FILIP1: variants seen among roughly 807,000 people sequenced by gnomAD.
FILIP1 encodes filamin-A-interacting protein 1.
A neutral mutation model predicts 102.1 loss-of-function variants in FILIP1; 61 were observed. The observed-to-expected ratio is 0.60, with a 90% CI of 0.49 to 0.74. FILIP1 has a LOEUF of 0.74. Ranked by LOEUF, FILIP1 falls within the 30% of genes least tolerant of loss-of-function variation. The pLI, the probability that FILIP1 is intolerant of heterozygous loss-of-function variation, is 0.00. For synonymous variants in FILIP1, 491 were observed against 526.9 expected (o/e 0.93, Z 0.93); for missense variants, 1,314 against 1,441.2 (o/e 0.91, Z 1.43).
In FILIP1 at chr6:75,314,028, C is replaced by G; in HGVS notation, c.1804G>C (p.Gly602Arg). Reference protein sequence around the residue: ...SVDLLKKRLDGIEEVEREITR... With the variant: ...SVDLLKKRLDRIEEVEREITR... ...ATTTCTCTTTCCACTTCCTCTATAC[C>G]ATCAAGTCTCTTCTTTAGTAAGTCA... Residue 602 changes from glycine (G) to arginine (R), a missense_variant, in exon 5 of 6, where the codon GGT (glycine) becomes CGT (arginine). This residue lies in a region of FILIP1 where 816 missense variants were observed against 913.1 expected (regional missense o/e 0.89). Coordinates refer to ENST00000237172, the MANE Select transcript of FILIP1 (RefSeq NM_015687.5). 1 of 1,530,926 alleles carries G rather than the reference C, an allele frequency of 6.5e-7. No individual in the cohort carries two copies. The highest frequency in any genetic ancestry group is 2.3e-5 in the Admixed American group (1 of 43,638). 94.8% of individuals were successfully genotyped at this position (1,530,926 alleles called of 1,614,324 possible).
chr6:75,314,193 GT>G lies in FILIP1; in HGVS notation c.1638del (p.Lys546AsnfsTer2). 1 of 1,551,418 alleles carries G rather than the reference GT, an allele frequency of 6.4e-7. No homozygotes were observed. ...EQGKVMDVTE[K>X]LIEESKKLLK... ...AAAAGTTTCTTACTTTCTTCAATTA[GT>G]TTTTCAGTTACATCCATAACTTTTC... On this transcript the variant is annotated frameshift_variant, in exon 5 of 6. Transcript: ENST00000237172. LOFTEE classifies it high-confidence loss of function.
Position 75,493,561 on chromosome 6 carries a change from C to A in FILIP1, c.-154G>T, listed in dbSNP as rs1780031320. ...AAGAATACAGAGGAAAAAGCTTTTC[C>A]CACTTTCTTTCCCAGGACCAGCCAA... On this transcript the variant is annotated 5_prime_UTR_variant, in exon 1 of 6. Transcript: ENST00000237172. 6.6e-6 allele frequency: 1 copy of A among 152,164 alleles called. No homozygotes were observed. Among genetic ancestry groups the A allele is most frequent in the Non-Finnish European group, 1.5e-5 (1 of 68,046 alleles). The allele number at this position is 152,164 out of a possible 1,614,324, so 9.4% of individuals were successfully genotyped here. A position where few individuals can be genotyped will look rare whatever the true frequency, so the allele number is the denominator to read the frequency against.
downstream of FILIP1, among the ~76,000 whole-genome samples, chr6:75,306,073 A>G (rs1157406685): frequency 6.6e-6 from 1 of 152,166 alleles, no homozygotes; most frequent in African/African-American, 2.4e-5. Flanking sequence ...TCCCCAGTGG[A>G]TTTTATTTCT....
chr6:75,443,414 G>A (rs1301487507), intron 1 of FILIP1, among the ~76,000 whole-genome samples: 1 of 152,066 alleles, frequency 6.6e-6, no homozygotes, highest in Non-Finnish European at 1.5e-5. Context: ...ACATTTTTCT[G>A]AAAAACTTAA....
intron 2 of FILIP1, among the ~76,000 whole-genome samples, chr6:75,366,473 GA>G (rs1310833254): frequency 6.6e-6 from 1 of 152,238 alleles, no homozygotes; most frequent in Non-Finnish European, 1.5e-5. Flanking sequence ...AAGAGACTCA[GA>G]AATAGTTTCC....
At chr6:75,326,024 C>T (rs1035423376) in intron 4 of FILIP1, among the ~76,000 whole-genome samples, 3 of 151,464 alleles carry the variant, frequency 2.0e-5, no homozygotes, top group East Asian at 1.9e-4. Context: ...CATCAACCAA[C>T]GAGTGGATAA....
intron 4 of FILIP1, among the ~76,000 whole-genome samples, chr6:75,347,807 G>A (rs1443475546): frequency 1.3e-5 from 2 of 152,144 alleles, no homozygotes; most frequent in Non-Finnish European, 2.9e-5. Context: ...CTTAAAGGAA[G>A]AATACCAAAA....
rs1417626728 is a variant in FILIP1 at position 75,310,139 on chromosome 6, C to T, written c.3436-1242G>A. Reference sequence around the variant, plus strand: ...GTTAGCAGCACAATGGGACTGCTCACCATTCCCCAAGCACGCCAGGCTCCT... The same window carrying T: ...GTTAGCAGCACAATGGGACTGCTCATCATTCCCCAAGCACGCCAGGCTCCT... On this transcript the variant is annotated intron_variant, in intron 5 of 5. Coordinates refer to ENST00000237172, the MANE Select transcript of FILIP1 (RefSeq NM_015687.5). Among the ~76,000 whole-genome samples, 5 of 152,366 alleles carry T rather than the reference C, an allele frequency of 3.3e-5. No individual in the cohort carries two copies. The East Asian group carries it at 9.6e-4, about 29-fold the overall frequency.
At chr6:75,369,234 T>C (rs1775439638) in intron 2 of FILIP1, among the ~76,000 whole-genome samples, 1 of 152,100 alleles carries the variant, frequency 6.6e-6, no homozygotes, top group African/African-American at 2.4e-5. Context: ...CTGCTGGAAG[T>C]GTTTGCCAGT....
At chr6:75,328,687 C>T (rs980141596) in intron 4 of FILIP1, among the ~76,000 whole-genome samples, 1 of 152,128 alleles carries the variant, frequency 6.6e-6, no homozygotes, top group Non-Finnish European at 1.5e-5. Flanking sequence ...TGGGGTTTCA[C>T]ATGTTTGCCA....
intron 1 of FILIP1, among the ~76,000 whole-genome samples, chr6:75,420,526 T>TCC (rs1366262537): frequency 6.6e-6 from 1 of 152,126 alleles, no homozygotes; most frequent in African/African-American, 2.4e-5. Flanking sequence ...AGCCATGACC[T>TCC]ACTATTCAAG....
intron 1 of FILIP1, among the ~76,000 whole-genome samples, chr6:75,484,491 G>A (rs1244365454): frequency 1.3e-5 from 2 of 151,974 alleles, no homozygotes; most frequent in South Asian, 4.2e-4. Flanking sequence ...AAATGATTGC[G>A]ATAACAGGTT....
intron 4 of FILIP1, among the ~76,000 whole-genome samples, chr6:75,348,731 T>G (rs1192900442): frequency 6.6e-6 from 1 of 152,232 alleles, no homozygotes; most frequent in African/African-American, 2.4e-5. Context: ...CCTTCTGTGA[T>G]AACTACCCCA....
Position 75,313,539 on chromosome 6 carries a change from T to C in FILIP1, c.2293A>G (p.Met765Val), listed in dbSNP as rs1773294033. 6.2e-7 allele frequency: 1 copy of C among 1,614,222 alleles called. No individual in the cohort carries two copies. The highest frequency in any genetic ancestry group is 8.5e-7 in the Non-Finnish European group (1 of 1,180,048). ...GTCAGATTGAGAACCTCCTGCCCCA[T>C]GTTTTTGTTCTTATTTTCTTCTTCC... Reference protein sequence around the residue: ...FMEEENKNKNMGQEVLNLTKE... With the variant: ...FMEEENKNKNVGQEVLNLTKE... Residue 765 changes from methionine to valine, a missense_variant, in exon 5 of 6, where the codon ATG becomes GTG. This residue lies in a region of FILIP1 where 816 missense variants were observed against 913.1 expected (regional missense o/e 0.89). Transcript: ENST00000237172. This position sits in a 1 kb window ranked among gnomAD's most constrained non-coding sequence, Gnocchi z 4.2.
intron 1 of FILIP1, among the ~76,000 whole-genome samples, chr6:75,448,784 A>T (rs1778522438): frequency 2.0e-5 from 3 of 152,166 alleles, no homozygotes; most frequent in Admixed American, 2.0e-4. Flanking sequence ...AATCAAAACC[A>T]CAGTGTGATA....
In FILIP1 at chr6:75,362,904, A is replaced by G. The variant is rs768216232; in HGVS notation, c.290T>C (p.Val97Ala). Residue 97 changes from valine (V) to alanine (A), a missense_variant, in exon 3 of 6, where the codon GTG (valine) becomes GCG (alanine). This residue lies in a region of FILIP1 where 494 missense variants were observed against 511.2 expected (regional missense o/e 0.97). Coordinates refer to ENST00000237172, the MANE Select transcript of FILIP1 (RefSeq NM_015687.5). ...TTTCTCTGTCTTCAGCATGTGGATC[A>G]CATCTTCTCTGGCCTGTAATAGAAA... ...MEGELQARED[V>A]IHMLKTEKTK... is the part of the protein sequence containing the mutation. The G allele has an allele frequency of 8.1e-6, 13 of 1,613,836 alleles. No homozygotes were observed. The African/African-American group carries it at 1.7e-4, about 22-fold the overall frequency.
chr6:75,311,584 C>T (rs1012702998), intron 5 of FILIP1, among the ~76,000 whole-genome samples: 206 of 152,242 alleles, frequency 1.4e-3, no homozygotes, highest in African/African-American at 4.8e-3. Flanking sequence ...ACAACCTCCG[C>T]CTCCTGGGCT....
chr6:75,370,345 C>T (rs1395784818), intron 2 of FILIP1, among the ~76,000 whole-genome samples: 3 of 152,044 alleles, frequency 2.0e-5, no homozygotes, highest in Non-Finnish European at 4.4e-5. Flanking sequence ...GTGTCTATAG[C>T]GCCTAAAAGA....
At chr6:75,360,487 C>T (rs1775140636) in intron 3 of FILIP1, among the ~76,000 whole-genome samples, 1 of 152,040 alleles carries the variant, frequency 6.6e-6, no homozygotes, top group Non-Finnish European at 1.5e-5. Flanking sequence ...ACAAACTCTA[C>T]CCAATCAATT....
Sources: gnomAD v4.1 joint callset for allele counts (sites outside exome capture counted in the v4.1 genomes callset) on GRCh38, gnomAD v4.1.1 for gene constraint, gnomAD v4.1.1 regional missense constraint, Gnocchi (gnomAD v3.1) non-coding constraint, MANE v1.5 for transcripts, NCBI Gene and HGNC (gene_info 2026-07-23, HGNC 2026-07-21) for gene names.